Variants in SYT17 observed in about 807,000 individuals in gnomAD.
SYT17 encodes synaptotagmin-17.
In SYT17, 22 loss-of-function variants were observed where a neutral mutation model predicts 46.7. The ratio of observed to expected loss-of-function variants is 0.47; its 90% confidence interval spans 0.34 to 0.67. The LOEUF is 0.67. Ranked by LOEUF, SYT17 falls within the 30% of genes least tolerant of loss-of-function variation. The pLI is 0.01. For synonymous variants in SYT17, 251 were observed against 248.4 expected, an observed-to-expected ratio of 1.01 and a Z score of -0.10; for missense variants, 519 against 612.8, an observed-to-expected ratio of 0.85 and a Z score of 1.62.
At chr16:19,217,857 C>A (rs1298145329) in intron 5 of SYT17, among the ~76,000 whole-genome samples, 1 of 152,180 alleles carries the variant, frequency 6.6e-6, no homozygotes, top group East Asian at 1.9e-4. Context: ...TTTATTATAG[C>A]CATCCTAGTG....
intron 5 of SYT17, among the ~76,000 whole-genome samples, chr16:19,189,458 A>C (rs1964927904): frequency 6.6e-6 from 1 of 151,430 alleles, no homozygotes; most frequent in Non-Finnish European, 1.5e-5. Flanking sequence ...CTCCTACCTC[A>C]GCCTTTCAAG....
intron 7 of SYT17, among the ~76,000 whole-genome samples, chr16:19,257,396 CAA>C (rs5816041): frequency 1.6e-4 from 20 of 128,038 alleles, no homozygotes; most frequent in Admixed American, 1.6e-4. Context: ...CCTTGTTTTG[CAA>C]AAAAAAAAAA....
intron 2 of SYT17, 40 bp from the exon 3 acceptor site, chr16:19,173,376 CTGCCCACCTCCCCT>C: frequency 4.6e-6 from 2 of 430,572 alleles, no homozygotes; most frequent in South Asian, 3.3e-5. Flanking sequence ...CTTCCCCACC[CTGCCCACCTCCCCT>C]CTCCCCCATC....
intron 7 of SYT17, among the ~76,000 whole-genome samples, chr16:19,265,695 G>A (rs1050620179): frequency 1.3e-5 from 2 of 152,200 alleles, no homozygotes; most frequent in African/African-American, 2.4e-5. Flanking sequence ...TATAACACAG[G>A]CATAGCCTGC....
At chr16:19,185,694 C>T (rs1447450245) in intron 5 of SYT17, among the ~76,000 whole-genome samples, 1 of 152,176 alleles carries the variant, frequency 6.6e-6, no homozygotes, top group African/African-American at 2.4e-5. Flanking sequence ...ACCTTCCTCC[C>T]AGTGCCTAGC....
intron 7 of SYT17, among the ~76,000 whole-genome samples, chr16:19,263,640 C>CAAAAAAAAAAAAA (rs1157288423): frequency 5.1e-5 from 2 of 39,234 alleles, no homozygotes; most frequent in African/African-American, 7.5e-5. Flanking sequence ...AATTACAACT[C>CAAAAAAAAAAAAA]AAAAAAAAAA....
At chr16:19,180,128 C>A in intron 3 of SYT17, 1 of 419,866 alleles carries the variant, frequency 2.4e-6, no homozygotes, top group East Asian at 4.5e-5. Flanking sequence ...CAGCTCTCCA[C>A]CCAACCCCAG....
At chr16:19,189,715 T>A (rs1326742953) in intron 5 of SYT17, among the ~76,000 whole-genome samples, 1 of 152,234 alleles carries the variant, frequency 6.6e-6, no homozygotes, top group Non-Finnish European at 1.5e-5. Flanking sequence ...GTCAGTGGAA[T>A]GGAAAGGAGA....
intron 7 of SYT17, among the ~76,000 whole-genome samples, chr16:19,230,596 T>A (rs764560454): frequency 2.0e-5 from 3 of 152,164 alleles, no homozygotes; most frequent in Non-Finnish European, 4.4e-5. Flanking sequence ...TTCAGAGAAG[T>A]ACCTGGATGC....
In SYT17 at chr16:19,183,598, C is replaced by T; in HGVS notation, c.402C>T (p.Ala134=). 6.2e-7 allele frequency: 1 copy of T among 1,614,216 alleles called. No individual in the cohort carries two copies. The highest frequency in any genetic ancestry group is 8.5e-7 in the Non-Finnish European group (1 of 1,180,044). ...CCATCGAGTTTGGCGTTCTCAGCGC[C>T]AAGAAGGAGCCCATCCAACCTTCGG... ...IKPIEFGVLS[A]KKEPIQPSVL... is the part of the protein sequence containing the mutation. Residue 134 remains alanine (A), a synonymous_variant, in exon 5 of 8, where the codon GCC becomes GCT. Coordinates refer to ENST00000355377, the MANE Select transcript of SYT17 (RefSeq NM_016524.4). This position sits in a 1 kb window ranked among gnomAD's most constrained non-coding sequence, Gnocchi z 5.6.
chr16:19,208,500 A>G (rs896098106), intron 5 of SYT17, among the ~76,000 whole-genome samples: 4 of 152,190 alleles, frequency 2.6e-5, no homozygotes, highest in African/African-American at 4.8e-5. Context: ...TTAAACTGTC[A>G]GATCTCATGA....
chr16:19,255,357 G>C (rs1482602466), intron 7 of SYT17, among the ~76,000 whole-genome samples: 1 of 152,164 alleles, frequency 6.6e-6, no homozygotes, highest in East Asian at 1.9e-4. Context: ...GGCCTGTCCT[G>C]TGCATTGTAG....
intron 7 of SYT17, among the ~76,000 whole-genome samples, chr16:19,247,858 G>A (rs1967694798): frequency 6.6e-6 from 1 of 152,182 alleles, no homozygotes; most frequent in Non-Finnish European, 1.5e-5. Flanking sequence ...TTTGCAATGA[G>A]TGAAAAAGTG....
At chr16:19,249,828 G>T in intron 7 of SYT17, 1 of 1,093,270 alleles carries the variant, frequency 9.1e-7, no homozygotes, top group Admixed American at 2.8e-5. Context: ...TCTGTTATTG[G>T]AGTCATTGGG....
intron 7 of SYT17, among the ~76,000 whole-genome samples, chr16:19,248,174 C>G (rs1445967619): frequency 6.6e-6 from 1 of 152,178 alleles, no homozygotes; most frequent in Non-Finnish European, 1.5e-5. Flanking sequence ...TAATACATTA[C>G]CACTACACAC....
chr16:19,251,106 G>T (rs1968029822), intron 7 of SYT17, among the ~76,000 whole-genome samples: 2 of 152,168 alleles, frequency 1.3e-5, no homozygotes, highest in Non-Finnish European at 2.9e-5. Flanking sequence ...TCTAGTAATA[G>T]GGTGATTTTT....
At chr16:19,207,544 G>T (rs903079857) in intron 5 of SYT17, among the ~76,000 whole-genome samples, 1 of 152,034 alleles carries the variant, frequency 6.6e-6, no homozygotes, top group Non-Finnish European at 1.5e-5. Context: ...ATGGGGAGGG[G>T]CCACACACTT....
intron 7 of SYT17, among the ~76,000 whole-genome samples, chr16:19,250,411 A>G (rs1024008505): frequency 1.8e-5 from 2 of 110,032 alleles, no homozygotes; most frequent in African/African-American, 3.3e-5. Context: ...GTGTTTGGAG[A>G]CAGGGTCTCA....
intron 7 of SYT17, among the ~76,000 whole-genome samples, chr16:19,226,186 A>G (rs1239283796): frequency 2.6e-5 from 4 of 152,112 alleles, no homozygotes; most frequent in Non-Finnish European, 5.9e-5. Flanking sequence ...AACCTACACA[A>G]AGTCTCAAGC....
Sources: gnomAD v4.1 joint callset for allele counts (sites outside exome capture counted in the v4.1 genomes callset) on GRCh38, gnomAD v4.1.1 for gene constraint, Gnocchi (gnomAD v3.1) non-coding constraint, MANE v1.5 for transcripts, NCBI Gene and HGNC (gene_info 2026-07-23, HGNC 2026-07-21) for gene names.